The following LIN52 variants were observed in gnomAD, a reference collection of about 807,000 sequenced individuals.
LIN52 encodes lin-52 DREAM MuvB core complex component, also known as protein lin-52 homolog.
Under a neutral mutation model 18.5 loss-of-function variants are expected in LIN52, and 4 were observed. The observed-to-expected ratio is 0.22, with a 90% CI of 0.11 to 0.49. The LOEUF is 0.49. Ranked by LOEUF, LIN52 falls within the 20% of genes least tolerant of loss-of-function variation. The pLI, the probability that LIN52 is intolerant of heterozygous loss-of-function variation, is 0.97. For missense variants in LIN52, 102 were observed against 139.5 expected (o/e 0.73, Z 1.35); for synonymous variants, 34 against 45.5 (o/e 0.75, Z 1.02).
intron 5 of LIN52, among the ~76,000 whole-genome samples, chr14:74,185,884 A>G (rs992464993): frequency 2.0e-5 from 3 of 152,192 alleles, no homozygotes; most frequent in Non-Finnish European, 4.4e-5. Flanking sequence ...TATTACAAAT[A>G]GTACTGAACT....
intron 3 of LIN52, 86 bp downstream of exon 3, chr14:74,096,071 AT>A: frequency 3.3e-6 from 3 of 922,826 alleles, no homozygotes; most frequent in Non-Finnish European, 4.9e-6. Context: ...ATTTTATTTT[AT>A]TTTATTTATG....
intron 5 of LIN52, among the ~76,000 whole-genome samples, chr14:74,104,490 G>T (rs2060884506): frequency 6.6e-6 from 1 of 151,204 alleles, no homozygotes; most frequent in South Asian, 2.1e-4. Flanking sequence ...CAAAATCTGG[G>T]TTTTGTTGAT....
At chr14:74,133,085 G>C (rs1010406658) in intron 5 of LIN52, among the ~76,000 whole-genome samples, 5 of 151,982 alleles carry the variant, frequency 3.3e-5, no homozygotes, top group Admixed American at 6.6e-5. Context: ...TTTGGTTGAG[G>C]CTTCATCCTA....
At chr14:74,136,713 G>A (rs1289365607) in intron 5 of LIN52, among the ~76,000 whole-genome samples, 1 of 152,178 alleles carries the variant, frequency 6.6e-6, no homozygotes, top group Non-Finnish European at 1.5e-5. Flanking sequence ...CTGCAAGAGG[G>A]ATTGATAACT....
intron 5 of LIN52, among the ~76,000 whole-genome samples, chr14:74,151,252 A>AT (rs964478936): frequency 2.0e-5 from 3 of 152,142 alleles, no homozygotes; most frequent in Non-Finnish European, 4.4e-5. Context: ...ACATTTTATT[A>AT]TTTTTTTCCA....
chr14:74,087,277 G>A (rs558167741), intron 1 of LIN52, among the ~76,000 whole-genome samples: 7 of 152,044 alleles, frequency 4.6e-5, no homozygotes, highest in African/African-American at 1.7e-4. Context: ...TTAGCCAGGC[G>A]TGGTGGTGGG....
intron 5 of LIN52, among the ~76,000 whole-genome samples, chr14:74,173,455 G>A (rs1214747080): frequency 1.3e-5 from 2 of 152,148 alleles, no homozygotes; most frequent in African/African-American, 4.8e-5. Flanking sequence ...CCAAAGTCCT[G>A]GGAGTACAGG....
chr14:74,119,695 T>TA (rs2060987513), intron 5 of LIN52, among the ~76,000 whole-genome samples: 1 of 152,234 alleles, frequency 6.6e-6, no homozygotes, highest in Non-Finnish European at 1.5e-5. Flanking sequence ...AATGTGGTTT[T>TA]AATTTGCATT....
chr14:74,192,771 G>A (rs2078887133), intron 5 of LIN52: 2 of 238,880 alleles, frequency 8.4e-6, no homozygotes, highest in Non-Finnish European at 1.7e-5. Context: ...CACCTGCACA[G>A]TTGGAAATGA....
intron 5 of LIN52, among the ~76,000 whole-genome samples, chr14:74,107,958 A>G (rs1412341283): frequency 6.6e-6 from 1 of 152,116 alleles, no homozygotes; most frequent in African/African-American, 2.4e-5. Flanking sequence ...TGCAGTCACC[A>G]CCACAACCAA....
At chr14:74,126,712 G>T (rs1264101176) in intron 5 of LIN52, among the ~76,000 whole-genome samples, 1 of 152,240 alleles carries the variant, frequency 6.6e-6, no homozygotes, top group African/African-American at 2.4e-5. Context: ...AGGCAGATTG[G>T]TGGTTCCCAG....
At chr14:74,196,029 G>A (rs1041943978) in intron 5 of LIN52, among the ~76,000 whole-genome samples, 2 of 152,178 alleles carry the variant, frequency 1.3e-5, no homozygotes, top group African/African-American at 4.8e-5. Flanking sequence ...GGGAGCGGCT[G>A]TGTCATACAT....
At chr14:74,186,011 G>A (rs980044322) in intron 5 of LIN52, among the ~76,000 whole-genome samples, 1 of 152,150 alleles carries the variant, frequency 6.6e-6, no homozygotes, top group Non-Finnish European at 1.5e-5. Flanking sequence ...AACTGAGGCC[G>A]GGCACAGTGG....
At chr14:74,114,258 T>A in intron 5 of LIN52, 3 of 985,506 alleles carry the variant, frequency 3.0e-6, no homozygotes, top group Non-Finnish European at 3.6e-6. Flanking sequence ...TCTTAAGCAT[T>A]TTCCTGTGTC....
intron 3 of LIN52, among the ~76,000 whole-genome samples, chr14:74,097,487 A>G (rs1051109243): frequency 6.7e-6 from 1 of 148,508 alleles, no homozygotes; most frequent in Non-Finnish European, 1.5e-5. Context: ...ACAGTGGCAC[A>G]ATCTTGGTTC....
At chr14:74,128,349 G>C (rs1041417992) in intron 5 of LIN52, among the ~76,000 whole-genome samples, 1 of 152,134 alleles carries the variant, frequency 6.6e-6, no homozygotes, top group African/African-American at 2.4e-5. Flanking sequence ...GATCCACAGA[G>C]GGTCCTCCTG....
chr14:74,152,959 CA>C (rs1189515836), intron 5 of LIN52, among the ~76,000 whole-genome samples: 1,403 of 41,568 alleles, frequency 0.034, 9 homozygotes, highest in African/African-American at 0.1. Flanking sequence ...GACTCTGTCT[CA>C]AAAAAAAAAA....
chr14:74,190,057 G>T (rs1170178405), intron 5 of LIN52, among the ~76,000 whole-genome samples: 1 of 152,082 alleles, frequency 6.6e-6, no homozygotes, highest in East Asian at 1.9e-4. Context: ...GATTGCTTGA[G>T]GCCAAGAGTT....
chr14:74,178,652 G>T (rs1240196005), intron 5 of LIN52, among the ~76,000 whole-genome samples: 2 of 151,212 alleles, frequency 1.3e-5, no homozygotes, highest in Non-Finnish European at 2.9e-5. Context: ...TAGAGACGGG[G>T]TTTCGCCATA....
Sources: gnomAD v4.1 joint callset for allele counts (sites outside exome capture counted in the v4.1 genomes callset) on GRCh38, gnomAD v4.1.1 for gene constraint, MANE v1.5 for transcripts, NCBI Gene and HGNC (gene_info 2026-07-23, HGNC 2026-07-21) for gene names.